TMEM132C: variants seen among roughly 807,000 people sequenced by gnomAD.
TMEM132C encodes transmembrane protein 132C.
In TMEM132C, 29 loss-of-function variants were observed where a neutral mutation model predicts 61.4. The observed-to-expected ratio is 0.47, with a 90% CI of 0.35 to 0.64. TMEM132C has a LOEUF of 0.64. TMEM132C is among the 30% of genes least tolerant of loss of function. TMEM132C has a pLI of 0.00. For synonymous variants in TMEM132C, 656 were observed against 633.1 expected (o/e 1.04, Z -0.54); for missense variants, 1,408 against 1,476.9 (o/e 0.95, Z 0.76).
intron 1 of TMEM132C, among the ~76,000 whole-genome samples, chr12:128,374,765 C>A (rs1454034656): frequency 9.9e-5 from 15 of 151,240 alleles, no homozygotes; most frequent in Middle Eastern, 3.4e-3. Flanking sequence ...ACTAAAAATA[C>A]AAAAATTAGC....
At chr12:128,368,468 TAAG>T (rs1049461081) in intron 1 of TMEM132C, among the ~76,000 whole-genome samples, 15 of 152,218 alleles carry the variant, frequency 9.9e-5, no homozygotes, top group African/African-American at 2.9e-4. Flanking sequence ...GCGAAGATGA[TAAG>T]AAGGTCCTCC....
chr12:128,588,573 T>C (rs952616801), intron 3 of TMEM132C, among the ~76,000 whole-genome samples: 7 of 150,374 alleles, frequency 4.7e-5, no homozygotes, highest in Non-Finnish European at 8.8e-5. Context: ...CTCAGTGCTA[T>C]GGACTGAGTG....
chr12:128,297,955 T>G (rs1871462509), intron 1 of TMEM132C, among the ~76,000 whole-genome samples: 1 of 152,208 alleles, frequency 6.6e-6, no homozygotes, highest in African/African-American at 2.4e-5. Flanking sequence ...CAATATCAAA[T>G]GATTTACAAA....
At chr12:128,603,750 T>C (rs1876291638) in intron 3 of TMEM132C, among the ~76,000 whole-genome samples, 1 of 152,172 alleles carries the variant, frequency 6.6e-6, no homozygotes, top group Non-Finnish European at 1.5e-5. Flanking sequence ...GAAGCTCAGT[T>C]AGTCACCAGT....
At chr12:128,448,048 C>T (rs1029137366) in intron 2 of TMEM132C, among the ~76,000 whole-genome samples, 47 of 152,168 alleles carry the variant, frequency 3.1e-4, no homozygotes, top group African/African-American at 1.1e-3. Flanking sequence ...ACGATCCCAC[C>T]GCATTCTCCC....
intron 2 of TMEM132C, among the ~76,000 whole-genome samples, chr12:128,460,339 G>T (rs1047046673): frequency 6.6e-6 from 1 of 152,112 alleles, no homozygotes; most frequent in Non-Finnish European, 1.5e-5. Context: ...TCATTCTCAG[G>T]CAGCCTCTCC....
chr12:128,283,977 G>T (rs7302844), intron 1 of TMEM132C, among the ~76,000 whole-genome samples: 8,985 of 152,240 alleles, frequency 0.059, 853 homozygotes, highest in African/African-American at 0.2. Context: ...TGTATCTTCA[G>T]TTACATGAAC....
At chr12:128,587,215 G>T (rs1213574667) in intron 3 of TMEM132C, among the ~76,000 whole-genome samples, 2 of 152,226 alleles carry the variant, frequency 1.3e-5, no homozygotes, top group African/African-American at 4.8e-5. Flanking sequence ...CTGTTATAAT[G>T]AAGTGCCATG....
At chr12:128,290,378 C>G (rs573421969) in intron 1 of TMEM132C, among the ~76,000 whole-genome samples, 2 of 152,064 alleles carry the variant, frequency 1.3e-5, no homozygotes, top group South Asian at 4.2e-4. Flanking sequence ...CACTTTTAAA[C>G]TATCAGATCT....
chr12:128,632,403 A>C (rs1954071330), intron 4 of TMEM132C, among the ~76,000 whole-genome samples: 1 of 152,204 alleles, frequency 6.6e-6, no homozygotes, highest in Non-Finnish European at 1.5e-5. Context: ...TGTTCATAGG[A>C]AATTGCTTTG....
intron 2 of TMEM132C, among the ~76,000 whole-genome samples, chr12:128,515,466 T>A (rs2136122433): frequency 6.6e-6 from 1 of 152,356 alleles, no homozygotes; most frequent in African/African-American, 2.4e-5. Context: ...TGGGATCACC[T>A]ACTTTTGGGC....
intron 2 of TMEM132C, among the ~76,000 whole-genome samples, chr12:128,445,536 C>T (rs1313693202): frequency 6.6e-6 from 1 of 152,088 alleles, no homozygotes; most frequent in Non-Finnish European, 1.5e-5. Flanking sequence ...CAGCCAAGAG[C>T]CCAGGAGCCC....
At position 128,414,871 on chromosome 12, in the gene TMEM132C, C is replaced by T. The variant is rs1868703979; in HGVS notation, c.225C>T (p.Ser75=). 1.9e-6 allele frequency: 3 copies of T among 1,551,534 alleles called. No individual in the cohort carries two copies. The highest frequency in any genetic ancestry group is 1.7e-6 in the Non-Finnish European group (2 of 1,147,150). ...KEANQDLLRN[S]SLQARVESFF... ...CCAACCAGGACCTGCTGCGGAACTC[C>T]AGCCTGCAGGCGAGGGTGGAGTCCT... The change falls in exon 2 of 9, where the codon TCC becomes TCT. Residue 75 remains serine, a synonymous_variant. Coordinates refer to ENST00000435159, the MANE Select transcript of TMEM132C (RefSeq NM_001136103.3).
At chr12:128,333,252 C>T (rs887026308) in intron 1 of TMEM132C, among the ~76,000 whole-genome samples, 5 of 148,894 alleles carry the variant, frequency 3.4e-5, no homozygotes, top group Admixed American at 1.3e-4. Flanking sequence ...TGACCATATG[C>T]GTGTTGCATG....
rs113456675 is a variant in TMEM132C at position 128,627,805 on chromosome 12, C to T, written c.1305+11470C>T. 3.1e-3 allele frequency among the ~76,000 whole-genome samples: 468 copies of T among 152,300 alleles called. 4 individuals are homozygous for T. The highest frequency in any genetic ancestry group is 0.011 in the African/African-American group (441 of 41,560). ...AGCTCCCTCCGCCGAGGAGTCAGGC[C>T]TCCGTGCCCAGAAAGTGCTGGGTCC... On this transcript the variant is annotated intron_variant, in intron 4 of 8. Transcript: ENST00000435159.
chr12:128,510,422 T>G (rs1368946739), intron 2 of TMEM132C, among the ~76,000 whole-genome samples: 2 of 152,112 alleles, frequency 1.3e-5, no homozygotes, highest in South Asian at 4.2e-4. Flanking sequence ...CTTGCTTTTT[T>G]AAAAAAATAA....
At chr12:128,511,790 G>A (rs1047610792) in intron 2 of TMEM132C, among the ~76,000 whole-genome samples, 4 of 152,184 alleles carry the variant, frequency 2.6e-5, no homozygotes, top group African/African-American at 9.6e-5. Context: ...GTGCAATGTT[G>A]GTGAGGAGCA....
chr12:128,557,543 C>G (rs1052729573), intron 3 of TMEM132C, among the ~76,000 whole-genome samples: 1 of 152,158 alleles, frequency 6.6e-6, no homozygotes, highest in African/African-American at 2.4e-5. Context: ...GAGGTCCTCC[C>G]CCTGAAACCA....
intron 2 of TMEM132C, among the ~76,000 whole-genome samples, chr12:128,476,030 G>T (rs1871143104): frequency 6.6e-6 from 1 of 152,148 alleles, no homozygotes; most frequent in African/African-American, 2.4e-5. Context: ...ATTAAATCAA[G>T]CCATCTTCTG....
Sources: gnomAD v4.1 joint callset for allele counts (sites outside exome capture counted in the v4.1 genomes callset) on GRCh38, gnomAD v4.1.1 for gene constraint, MANE v1.5 for transcripts, NCBI Gene and HGNC (gene_info 2026-07-23, HGNC 2026-07-21) for gene names.